The following NRXN1 variants were observed in gnomAD, a reference collection of about 807,000 sequenced individuals.
NRXN1 encodes the protein neurexin-1.
In NRXN1, 39 loss-of-function variants were observed where a neutral mutation model predicts 150.9. That is an observed-to-expected ratio of 0.26 (90% CI 0.20 to 0.34). The LOEUF is 0.34. Among genes scored for constraint, NRXN1 ranks in the 10% least tolerant of loss-of-function variants. The pLI is 1.00. For synonymous variants in NRXN1, 924 were observed against 757.0 expected (o/e 1.22, Z -3.62); for missense variants, 1,815 against 1,949.9 (o/e 0.93, Z 1.30).
intron 16 of NRXN1, among the ~76,000 whole-genome samples, chr2:50,466,875 A>G (rs2088934047): frequency 6.6e-6 from 1 of 151,748 alleles, no homozygotes. Flanking sequence ...AGTGTAGACT[A>G]TGATCAGTAG....
rs1399535060 is a variant in NRXN1, at chr2:50,347,914, C to T, written c.3365-110944G>A. On this transcript the variant is annotated intron_variant, in intron 17 of 22. Transcript: ENST00000401669. The surrounding 1 kb of genome is among the most constrained non-coding windows in gnomAD (Gnocchi z 4.9). ...CCACGAAAATCGCCCTGCTTTGCCTCTCCCTTGCATTCTCCACGCATCAAA... is the reference window on the plus strand; with the variant it reads ...CCACGAAAATCGCCCTGCTTTGCCTTTCCCTTGCATTCTCCACGCATCAAA... 1.1e-6 allele frequency: 1 copy of T among 873,278 alleles called. No homozygotes were observed. Among genetic ancestry groups the T allele is most frequent in the African/African-American group, 1.8e-5 (1 of 54,876 alleles). The allele number at this position is 873,278 out of a possible 1,614,324, so 54.1% of individuals were successfully genotyped here.
At chr2:49,988,682 T>A (rs969456052) in intron 21 of NRXN1, among the ~76,000 whole-genome samples, 1 of 150,370 alleles carries the variant, frequency 6.7e-6, no homozygotes, top group South Asian at 2.1e-4. Context: ...TGAGAATGAA[T>A]TGAATTATCA....
chr2:50,180,191 T>A (rs111296027), intron 18 of NRXN1, among the ~76,000 whole-genome samples: 33,499 of 148,882 alleles, frequency 0.23, 4,376 homozygotes, highest in East Asian at 0.4. Flanking sequence ...CTGGCTAATT[T>A]AAAAAAAAAA....
At chr2:50,678,514 A>C (rs908586039) in intron 5 of NRXN1, among the ~76,000 whole-genome samples, 1 of 152,192 alleles carries the variant, frequency 6.6e-6, no homozygotes, top group Non-Finnish European at 1.5e-5. Flanking sequence ...ATCAACTCTT[A>C]CAAGTCTGCC....
chr2:50,195,487 CTT>C (rs2061701253), intron 18 of NRXN1, among the ~76,000 whole-genome samples: 1 of 152,132 alleles, frequency 6.6e-6, no homozygotes, highest in Non-Finnish European at 1.5e-5. Flanking sequence ...TATTATAACA[CTT>C]TTTTCTTTTC....
At chr2:50,774,457 C>G (rs17503010) in intron 5 of NRXN1, among the ~76,000 whole-genome samples, 14,508 of 152,132 alleles carry the variant, frequency 0.095, 770 homozygotes, top group Admixed American at 0.13. Flanking sequence ...GTATATGACA[C>G]AGTAAAAATG....
At chr2:50,337,375 G>A (rs553769737) in intron 17 of NRXN1, among the ~76,000 whole-genome samples, 8 of 152,114 alleles carry the variant, frequency 5.3e-5, no homozygotes, top group African/African-American at 1.2e-4. Context: ...GTGAGCCACC[G>A]CACCTGGCCA....
intron 5 of NRXN1, chr2:50,918,872 C>A (rs761523360): frequency 3.4e-5 from 7 of 204,800 alleles, no homozygotes; most frequent in Non-Finnish European, 6.8e-5. Context: ...TTCATGAAGA[C>A]TATTTGAATC....
rs574300188 is a variant in NRXN1, at chr2:50,209,636, G to C, written c.3546+27153C>G. On this transcript the variant is annotated intron_variant, in intron 18 of 22. Transcript: ENST00000401669. ...TTATACCCTTTGAGAATTTCTATTT[G>C]GTTCTGTCACAACACAGTGCCTACA... Among the ~76,000 whole-genome samples, 15 of 152,078 alleles carry C rather than the reference G, an allele frequency of 9.9e-5. No homozygotes were observed. In the East Asian group the frequency reaches 2.5e-3, roughly 26 times the overall value.
chr2:50,449,770 C>T (rs748382387), intron 17 of NRXN1, among the ~76,000 whole-genome samples: 6 of 152,138 alleles, frequency 3.9e-5, no homozygotes, highest in African/African-American at 4.8e-5. Context: ...TGTGTATGAG[C>T]TCCTTGAAAG....
chr2:49,930,607 T>C (rs913999037), intron 22 of NRXN1, among the ~76,000 whole-genome samples: 1 of 152,214 alleles, frequency 6.6e-6, no homozygotes, highest in Admixed American at 6.5e-5. Flanking sequence ...TTCTATACTA[T>C]TGTAAAATCT....
At chr2:50,072,843 G>C (rs188125819) in intron 19 of NRXN1, among the ~76,000 whole-genome samples, 1 of 152,244 alleles carries the variant, frequency 6.6e-6, no homozygotes, top group South Asian at 2.1e-4. Flanking sequence ...GACGGCATCA[G>C]CTGGTCCTAA....
At chr2:50,607,336 A>G (rs1210128920) in intron 8 of NRXN1, among the ~76,000 whole-genome samples, 1 of 152,134 alleles carries the variant, frequency 6.6e-6, no homozygotes, top group African/African-American at 2.4e-5. Flanking sequence ...AGAAAATTTC[A>G]AGGCAGGTGT....
At chr2:50,406,846 A>G (rs2082781647) in intron 17 of NRXN1, among the ~76,000 whole-genome samples, 1 of 152,186 alleles carries the variant, frequency 6.6e-6, no homozygotes, top group South Asian at 2.1e-4. Context: ...CTATAGGTCT[A>G]AACTTCAAAT....
chr2:50,880,341 A>G (rs1008907067), intron 5 of NRXN1, among the ~76,000 whole-genome samples: 1 of 151,982 alleles, frequency 6.6e-6, no homozygotes, highest in Non-Finnish European at 1.5e-5. Flanking sequence ...CTGAAAGGCC[A>G]AGACAATGTT....
intron 17 of NRXN1, among the ~76,000 whole-genome samples, chr2:50,265,258 A>T (rs2068718595): frequency 6.6e-6 from 1 of 152,086 alleles, no homozygotes; most frequent in Admixed American, 6.6e-5. Context: ...ACCGAAAAAA[A>T]ATGTGTACTC....
At chr2:49,957,902 G>A (rs933167715) in intron 21 of NRXN1, among the ~76,000 whole-genome samples, 1 of 152,114 alleles carries the variant, frequency 6.6e-6, no homozygotes, top group Non-Finnish European at 1.5e-5. Flanking sequence ...GTTTGGGTAT[G>A]GGGCAGATAA....
Position 50,117,774 on chromosome 2 carries a change from G to GAA in NRXN1, c.3547-26282_3547-26281dup, listed in dbSNP as rs59049470. Among the ~76,000 whole-genome samples the GAA allele has an allele frequency of 2.0e-3, 269 of 133,208 alleles. 1 individual carries two copies. The highest frequency in any genetic ancestry group is 5.7e-3 in the African/African-American group (211 of 37,026). The allele number at this position is 133,208 out of a possible 152,430, so 87.4% of individuals were successfully genotyped here. A position where few individuals can be genotyped will look rare whatever the true frequency, so the allele number is the denominator to read the frequency against. ...CAAATCATAAAGCCTCAGGCTGTCAGAAAAAAAAAAAAACAACCAACTGTA... is the reference window on the plus strand; with the variant it reads ...CAAATCATAAAGCCTCAGGCTGTCAGAAAAAAAAAAAAAAACAACCAACTGTA... On this transcript the variant is annotated intron_variant, in intron 18 of 22. Coordinates refer to ENST00000401669, the MANE Select transcript of NRXN1 (RefSeq NM_001330078.2).
chr2:50,168,899 C>T (rs1355804582), intron 18 of NRXN1, among the ~76,000 whole-genome samples: 4 of 152,114 alleles, frequency 2.6e-5, no homozygotes, highest in Non-Finnish European at 5.9e-5. Context: ...CTTTTCTTTC[C>T]TCCCCAACAC....
Sources: gnomAD v4.1 joint callset for allele counts (sites outside exome capture counted in the v4.1 genomes callset) on GRCh38, gnomAD v4.1.1 for gene constraint, Gnocchi (gnomAD v3.1) non-coding constraint, MANE v1.5 for transcripts, NCBI Gene and HGNC (gene_info 2026-07-23, HGNC 2026-07-21) for gene names.